The following HS6ST3 variants were observed in gnomAD, a reference collection of about 807,000 sequenced individuals.
The protein encoded by HS6ST3 is heparan sulfate 6-O-sulfotransferase 3.
HS6ST3 carries 12 observed loss-of-function variants against 36.7 expected under a neutral mutation model. The observed-to-expected ratio is 0.33, with a 90% CI of 0.21 to 0.53. HS6ST3 has a LOEUF of 0.53. HS6ST3 is among the 20% of genes least tolerant of loss of function. The pLI, the probability that HS6ST3 is intolerant of heterozygous loss-of-function variation, is 0.95. For synonymous variants in HS6ST3, 240 were observed against 257.5 expected (o/e 0.93, Z 0.65); for missense variants, 584 against 640.9 (o/e 0.91, Z 0.96).
intron 1 of HS6ST3, among the ~76,000 whole-genome samples, chr13:96,831,479 T>A (rs1878779779): frequency 6.6e-6 from 1 of 152,186 alleles, no homozygotes; most frequent in Non-Finnish European, 1.5e-5. Context: ...AGCTTTTATT[T>A]TAAAAAGTAA....
intron 1 of HS6ST3, among the ~76,000 whole-genome samples, chr13:96,693,155 G>C (rs917312780): frequency 1.3e-5 from 2 of 151,832 alleles, no homozygotes; most frequent in African/African-American, 4.8e-5. Flanking sequence ...ATAGGTGATG[G>C]GTAAAAAAGT....
intron 1 of HS6ST3, among the ~76,000 whole-genome samples, chr13:96,456,654 A>T (rs1009970605): frequency 1.4e-4 from 22 of 152,214 alleles, no homozygotes; most frequent in Admixed American, 5.9e-4. Context: ...TGAGAAAGTG[A>T]TCTAATATTG....
At chr13:96,485,667 A>G (rs1307937403) in intron 1 of HS6ST3, among the ~76,000 whole-genome samples, 1 of 152,132 alleles carries the variant, frequency 6.6e-6, no homozygotes, top group Non-Finnish European at 1.5e-5. Flanking sequence ...ATTAGTGGGA[A>G]AGCTTCAAAT....
chr13:96,570,650 A>G (rs1019838666), intron 1 of HS6ST3, among the ~76,000 whole-genome samples: 6 of 152,220 alleles, frequency 3.9e-5, no homozygotes, highest in Non-Finnish European at 8.8e-5. Context: ...TAGAACACCT[A>G]CTTTATACCC....
chr13:96,191,420 G>A (rs2054288027), intron 1 of HS6ST3, among the ~76,000 whole-genome samples: 1 of 152,162 alleles, frequency 6.6e-6, no homozygotes, highest in South Asian at 2.1e-4. Flanking sequence ...ATGTATCACA[G>A]TCTCTCTCAC....
intron 1 of HS6ST3, among the ~76,000 whole-genome samples, chr13:96,495,225 A>G (rs561987888): frequency 3.6e-4 from 55 of 152,342 alleles, no homozygotes; most frequent in African/African-American, 1.3e-3. Flanking sequence ...TTTGTTAACG[A>G]AAAGAGAACT....
chr13:96,408,857 G>A (rs1306925687), intron 1 of HS6ST3, among the ~76,000 whole-genome samples: 9 of 152,108 alleles, frequency 5.9e-5, no homozygotes, highest in Admixed American at 4.6e-4. Flanking sequence ...CTGGGAAGTG[G>A]AGGTTGCAGT....
intron 1 of HS6ST3, among the ~76,000 whole-genome samples, chr13:96,674,706 A>G (rs922117633): frequency 1.3e-5 from 2 of 152,114 alleles, no homozygotes; most frequent in South Asian, 2.1e-4. Flanking sequence ...CTGGAGACAC[A>G]TGGAACCTCC....
chr13:96,314,411 T>C (rs1490246166), intron 1 of HS6ST3, among the ~76,000 whole-genome samples: 1 of 152,208 alleles, frequency 6.6e-6, no homozygotes, highest in African/African-American at 2.4e-5. Flanking sequence ...TTAACTTTAT[T>C]ATTTTTCAGA....
intron 1 of HS6ST3, among the ~76,000 whole-genome samples, chr13:96,523,143 AAT>A (rs1415756465): frequency 6.6e-6 from 1 of 152,146 alleles, no homozygotes; most frequent in Admixed American, 6.5e-5. Flanking sequence ...CTGGATATGA[AAT>A]TCTGGGTTGA....
intron 1 of HS6ST3, among the ~76,000 whole-genome samples, chr13:96,305,365 A>G (rs2139406105): frequency 6.6e-6 from 1 of 152,312 alleles, no homozygotes; most frequent in African/African-American, 2.4e-5. Flanking sequence ...ATAAAGTTTG[A>G]TAGCAAATTT....
At chr13:96,111,160 AG>A (rs1490810928) in intron 1 of HS6ST3, among the ~76,000 whole-genome samples, 1 of 152,226 alleles carries the variant, frequency 6.6e-6, no homozygotes, top group Non-Finnish European at 1.5e-5. Context: ...TGAGATACAA[AG>A]GGGGTAGATT....
At chr13:96,770,065 G>A (rs1055135610) in intron 1 of HS6ST3, among the ~76,000 whole-genome samples, 2 of 152,108 alleles carry the variant, frequency 1.3e-5, no homozygotes, top group African/African-American at 2.4e-5. Flanking sequence ...AGAAGTACTG[G>A]ATAAACAACA....
chr13:96,607,538 G>C (rs778687816), intron 1 of HS6ST3, among the ~76,000 whole-genome samples: 1 of 152,158 alleles, frequency 6.6e-6, no homozygotes, highest in African/African-American at 2.4e-5. Context: ...AGAGCTTAAA[G>C]TAAATGGGGC....
chr13:96,490,519 T>G (rs2055939681), intron 1 of HS6ST3, among the ~76,000 whole-genome samples: 1 of 152,184 alleles, frequency 6.6e-6, no homozygotes, highest in Non-Finnish European at 1.5e-5. Flanking sequence ...GAGATGACTA[T>G]TTTGCATTGA....
intron 1 of HS6ST3, among the ~76,000 whole-genome samples, chr13:96,628,026 T>C (rs2056519047): frequency 6.6e-6 from 1 of 151,936 alleles, no homozygotes; most frequent in South Asian, 2.1e-4. Flanking sequence ...CTTTATTCTC[T>C]TTGTGAATGT....
Position 96,254,497 on chromosome 13 carries a change from A to G in HS6ST3, c.707+162928A>G, listed in dbSNP as rs1490747003. Among the ~76,000 whole-genome samples, 79 of 24,430 alleles carry G rather than the reference A, an allele frequency of 3.2e-3. 18 individuals carry two copies. Among genetic ancestry groups the G allele is most frequent in the Non-Finnish European group, 5.7e-3 (65 of 11,436 alleles). 16.0% of individuals were successfully genotyped at this position (24,430 alleles called of 152,430 possible). ...TATATATATATATATATATATATAT[A>G]TACACATACATACACACACACACTT... On this transcript the variant is annotated intron_variant, in intron 1 of 1. Transcript: ENST00000376705.
chr13:96,192,258 T>C (rs1308579599), intron 1 of HS6ST3, among the ~76,000 whole-genome samples: 1 of 152,228 alleles, frequency 6.6e-6, no homozygotes, highest in African/African-American at 2.4e-5. Context: ...TCAAGATATA[T>C]GTTGACCAAA....
chr13:96,156,482 A>G (rs532314169), intron 1 of HS6ST3, among the ~76,000 whole-genome samples: 1 of 152,338 alleles, frequency 6.6e-6, no homozygotes, highest in East Asian at 1.9e-4. Context: ...GAAGGCTAAC[A>G]GAATTGAATA....
Sources: gnomAD v4.1 joint callset for allele counts (sites outside exome capture counted in the v4.1 genomes callset) on GRCh38, gnomAD v4.1.1 for gene constraint, MANE v1.5 for transcripts, NCBI Gene and HGNC (gene_info 2026-07-23, HGNC 2026-07-21) for gene names.